The following LYST variants were observed in gnomAD, a reference collection of about 807,000 sequenced individuals.
LYST encodes lysosomal-trafficking regulator.
LYST carries 192 observed loss-of-function variants against 413.6 expected under a neutral mutation model. That is an observed-to-expected ratio of 0.46 (90% CI 0.41 to 0.52). The LOEUF is 0.52. Among genes scored for constraint, LYST ranks in the 20% least tolerant of loss-of-function variants. The probability of loss-of-function intolerance (pLI) is 0.00; values close to 1 mark genes in which losing one functional copy is unlikely to be tolerated. For missense variants in LYST, 3,815 were observed against 4,499.9 expected, an observed-to-expected ratio of 0.85 and a Z score of 4.35; for synonymous variants, 1,525 against 1,567.3, an observed-to-expected ratio of 0.97 and a Z score of 0.64.
At chr1:235,870,971 T>C (rs1680899432), upstream of LYST, among the ~76,000 whole-genome samples, 1 of 152,196 alleles carries the variant, frequency 6.6e-6, no homozygotes, top group African/African-American at 2.4e-5. Flanking sequence ...ATTTCAGCAA[T>C]AGTAAGAAGG....
chr1:235,712,540 A>G (rs886139590), intron 42 of LYST: 1 of 929,718 alleles, frequency 1.1e-6, no homozygotes. Flanking sequence ...ATGGGTATTC[A>G]ATCATGGTTT....
At position 235,806,607 on chromosome 1, in the gene LYST, G is replaced by A. The variant is rs1338658524; in HGVS notation, c.2529C>T (p.Asp843=). ...CAGAGGACAACTCCTTCTGTTCAAT[G>A]TCTATCCCATCAATATCTGGAACTG... ...DASVPDIDGI[D]IEQKELSSVH... is the part of the protein sequence containing the mutation. Residue 843 remains aspartate (D), a synonymous_variant, in exon 6 of 53, where the codon GAC becomes GAT. Coordinates refer to ENST00000389793, the MANE Select transcript of LYST (RefSeq NM_000081.4). 6 of 1,613,908 alleles carry A rather than the reference G, an allele frequency of 3.7e-6. No homozygotes were observed. In the Admixed American group the frequency reaches 6.7e-5, roughly 18 times the overall value.
At chr1:235,678,852 A>T (rs1659588190) in intron 48 of LYST, among the ~76,000 whole-genome samples, 1 of 152,126 alleles carries the variant, frequency 6.6e-6, no homozygotes, top group African/African-American at 2.4e-5. Flanking sequence ...TATAAGTATT[A>T]TATTGTATTT....
At chr1:235,745,547 G>A (rs914532853) in intron 29 of LYST, among the ~76,000 whole-genome samples, 2 of 152,162 alleles carry the variant, frequency 1.3e-5, no homozygotes, top group African/African-American at 4.8e-5. Flanking sequence ...ATTACCGTAT[G>A]ACCCAGTAAC....
chr1:235,859,007 C>T (rs1312588457), intron 1 of LYST, among the ~76,000 whole-genome samples: 1 of 152,182 alleles, frequency 6.6e-6, no homozygotes, highest in African/African-American at 2.4e-5. Context: ...GTCCCTTTTA[C>T]AATCTCAATA....
chr1:235,684,188 C>T (rs1026116122), intron 48 of LYST, among the ~76,000 whole-genome samples: 12 of 151,986 alleles, frequency 7.9e-5, no homozygotes, highest in African/African-American at 2.9e-4. Context: ...TCTGCTTCCT[C>T]AAAGCTATCC....
In LYST at chr1:235,805,954, C is replaced by T. The variant is rs776843246; in HGVS notation, c.3182G>A (p.Ser1061Asn). The T allele has an allele frequency of 6.8e-6, 11 of 1,613,780 alleles. No homozygotes were observed. The highest frequency in any genetic ancestry group is 1.3e-5 in the African/African-American group (1 of 75,026). ...ATGCTGTAACTCTAATTTACCTAAACTGTCAGCACTCTTTTTTAGACTACC... is the reference window on the plus strand; with the variant it reads ...ATGCTGTAACTCTAATTTACCTAAATTGTCAGCACTCTTTTTTAGACTACC... ...ELGSLKKSADSLGKLELQHIS... is the reference protein window; with the variant it reads ...ELGSLKKSADNLGKLELQHIS... The change falls in exon 6 of 53, where the codon AGT becomes AAT. Residue 1061 changes from serine to asparagine, a missense_variant. Around this residue, in one of 4 missense-constraint regions of LYST, gnomAD observed 1,648 missense variants for 1,810.3 expected, o/e 0.91. Coordinates refer to ENST00000389793, the MANE Select transcript of LYST (RefSeq NM_000081.4).
chr1:235,846,346 C>T (rs1222343996), intron 1 of LYST, among the ~76,000 whole-genome samples: 4 of 152,136 alleles, frequency 2.6e-5, no homozygotes, highest in African/African-American at 9.7e-5. Context: ...CAAGGGAACA[C>T]CCCGTGGGAC....
At chr1:235,857,774 C>CATAT (rs1300601560) in intron 1 of LYST, among the ~76,000 whole-genome samples, 1 of 141,732 alleles carries the variant, frequency 7.1e-6, no homozygotes, top group African/African-American at 2.8e-5. Flanking sequence ...CACACACACA[C>CATAT]ACACACACAC....
rs560403342 is a variant in LYST, at chr1:235,817,435, A to C, written c.193-4374T>G. Reference sequence around the variant, plus strand: ...AGACAAACGTGTGCTTATGTTCACCACAGCACTATTCACAATAACAAATCA... The same window carrying C: ...AGACAAACGTGTGCTTATGTTCACCCCAGCACTATTCACAATAACAAATCA... On this transcript the variant is annotated intron_variant, in intron 3 of 52. Transcript: ENST00000389793. Among the ~76,000 whole-genome samples the C allele has an allele frequency of 3.3e-5, 5 of 152,224 alleles. No individual in the cohort carries two copies. In the South Asian group the frequency reaches 1.0e-3, roughly 31 times the overall value.
Position 235,775,052 on chromosome 1 carries a change from G to A in LYST, c.5495C>T (p.Ala1832Val), listed in dbSNP as rs981252638. Residue 1832 changes from alanine (A) to valine (V), a missense_variant, in exon 18 of 53, where the codon GCA becomes GTA. Transcript: ENST00000389793. ...VELSSCEETQALALRVILSLI... is the reference protein window; with the variant it reads ...VELSSCEETQVLALRVILSLI... ...TGAGAGTATAACTCGCAGTGCTAATGCTTGAGTTTCTTCACAGCTACTGAG... is the reference window on the plus strand; with the variant it reads ...TGAGAGTATAACTCGCAGTGCTAATACTTGAGTTTCTTCACAGCTACTGAG... 1.2e-6 allele frequency: 2 copies of A among 1,611,590 alleles called. No homozygotes were observed. Among genetic ancestry groups the A allele is most frequent in the Non-Finnish European group, 1.7e-6 (2 of 1,179,438 alleles).
intron 13 of LYST, among the ~76,000 whole-genome samples, chr1:235,787,639 TA>T (rs1474518312): frequency 3.3e-5 from 5 of 152,004 alleles, no homozygotes; most frequent in Non-Finnish European, 7.4e-5. Context: ...ATTCAGTTTG[TA>T]AAAAAATATA....
At chr1:235,825,387 GA>G (rs1675213631) in intron 3 of LYST, among the ~76,000 whole-genome samples, 2 of 151,996 alleles carry the variant, frequency 1.3e-5, no homozygotes, top group Admixed American at 1.3e-4. Context: ...TACAAATTGG[GA>G]AAAAAGTAAA....
chr1:235,754,385 A>T (rs4306114), intron 25 of LYST, among the ~76,000 whole-genome samples: 61,288 of 151,290 alleles, frequency 0.41, 13,105 homozygotes, highest in African/African-American at 0.5. Flanking sequence ...TGAATGTGCC[A>T]CCACGCCCAG....
intron 48 of LYST, among the ~76,000 whole-genome samples, chr1:235,678,297 T>G (rs1659543764): frequency 6.6e-6 from 1 of 152,176 alleles, no homozygotes; most frequent in Non-Finnish European, 1.5e-5. Context: ...TGCTAAAATT[T>G]CCAAAATTTT....
At chr1:235,856,760 T>C (rs1472939107) in intron 1 of LYST, among the ~76,000 whole-genome samples, 2 of 152,168 alleles carry the variant, frequency 1.3e-5, no homozygotes, top group Non-Finnish European at 2.9e-5. Flanking sequence ...TCAGTATTAC[T>C]GTCTTTGGAA....
Position 235,853,115 on chromosome 1 carries a change from C to T in LYST, c.-98+13728G>A, listed in dbSNP as rs770806309. The T allele has an allele frequency of 2.9e-5, 5 of 170,392 alleles. 1 individual carries two copies. The highest frequency in any genetic ancestry group is 1.0e-3 in the Middle Eastern group (2 of 1,948). The allele number at this position is 170,392 out of a possible 1,614,324, so 10.6% of individuals were successfully genotyped here. On this transcript the variant is annotated intron_variant, in intron 1 of 52. Transcript: ENST00000389793. ...AAGCACCACAAACTTCTTGCCCCCC[C>T]ACAAACTTCTCAAGATGTTTTACAG...
At chr1:235,705,723 C>A (rs1156306727) in intron 44 of LYST, among the ~76,000 whole-genome samples, 1 of 151,182 alleles carries the variant, frequency 6.6e-6, no homozygotes, top group African/African-American at 2.5e-5. Context: ...ATAAGAATAA[C>A]TGAAAAGATG....
chr1:235,846,142 A>G (rs1334625047), intron 1 of LYST, among the ~76,000 whole-genome samples: 1 of 152,168 alleles, frequency 6.6e-6, no homozygotes, highest in Non-Finnish European at 1.5e-5. Flanking sequence ...CACCTGCACC[A>G]GAAAAGGCGC....
Sources: gnomAD v4.1 joint callset for allele counts (sites outside exome capture counted in the v4.1 genomes callset) on GRCh38, gnomAD v4.1.1 for gene constraint, gnomAD v4.1.1 regional missense constraint, MANE v1.5 for transcripts, NCBI Gene and HGNC (gene_info 2026-07-23, HGNC 2026-07-21) for gene names.